NIPAL4: variants seen among roughly 807,000 people sequenced by gnomAD.
The protein encoded by NIPAL4 is magnesium transporter NIPA4.
NIPAL4 carries 21 observed loss-of-function variants against 31.6 expected under a neutral mutation model. The observed-to-expected ratio is 0.67, with a 90% CI of 0.47 to 0.96. NIPAL4 has a LOEUF of 0.96. Ranked by LOEUF, NIPAL4 falls within the 40% of genes least tolerant of loss-of-function variation. The pLI is 0.00. For synonymous variants in NIPAL4, 175 were observed against 211.1 expected, an observed-to-expected ratio of 0.83 and a Z score of 1.48; for missense variants, 438 against 508.0, an observed-to-expected ratio of 0.86 and a Z score of 1.32.
chr5:157,473,097 A>G lies in NIPAL4; in HGVS notation c.*137A>G. ...TTGAGAAGTTCATTTATACCTCATCACTGTTTCCAGGAGAAAAATCTTTAC... is the reference window on the plus strand; with the variant it reads ...TTGAGAAGTTCATTTATACCTCATCGCTGTTTCCAGGAGAAAAATCTTTAC... On this transcript the variant is annotated 3_prime_UTR_variant, in exon 6 of 6. Transcript: ENST00000311946. 1.5e-6 allele frequency: 1 copy of G among 658,522 alleles called. No individual in the cohort carries two copies. 40.8% of individuals were successfully genotyped at this position (658,522 alleles called of 1,614,324 possible). A position where few individuals can be genotyped will look rare whatever the true frequency, so the allele number is the denominator to read the frequency against.
chr5:157,460,356 C>A lies in NIPAL4; in HGVS notation c.36C>A (p.Asn12Lys), dbSNP rs973711196. 4 of 1,544,758 alleles carry A rather than the reference C, an allele frequency of 2.6e-6. No homozygotes were observed. The highest frequency in any genetic ancestry group is 2.7e-5 in the African/African-American group (2 of 72,950). ...ELRVSNTSCE[N>K]GSLLHLYCSS... ...GGGTCAGCAACACCAGCTGCGAGAA[C>A]GGTGCGTACGGCAGGGCTGGGGACC... The change falls in exon 1 of 6, where the codon AAC becomes AAA. Residue 12 changes from asparagine to lysine, a missense_variant and splice_region_variant. Physicochemically the swap from Asn to Lys is moderately conservative, Grantham distance 94. Coordinates refer to ENST00000311946, the MANE Select transcript of NIPAL4 (RefSeq NM_001099287.2).
intron 4 of NIPAL4, among the ~76,000 whole-genome samples, chr5:157,471,430 T>C (rs904645555): frequency 6.6e-6 from 1 of 152,184 alleles, no homozygotes; most frequent in Non-Finnish European, 1.5e-5. Flanking sequence ...ATGTCTCCCG[T>C]GGATATTATT....
intron 4 of NIPAL4, among the ~76,000 whole-genome samples, chr5:157,469,282 G>C (rs1287086886): frequency 6.6e-6 from 1 of 152,160 alleles, no homozygotes; most frequent in Non-Finnish European, 1.5e-5. Context: ...CCACTGGGGG[G>C]CATTGTTCTG....
chr5:157,467,149 C>T, intron 3 of NIPAL4, 44 bp downstream of exon 3: 1 of 1,342,754 alleles, frequency 7.4e-7, no homozygotes, highest in Non-Finnish European at 1.1e-6. Context: ...CTATTGATAG[C>T]AGGGCTGGAG....
chr5:157,470,761 G>C (rs936094654), intron 4 of NIPAL4, among the ~76,000 whole-genome samples: 6 of 152,200 alleles, frequency 3.9e-5, no homozygotes, highest in Non-Finnish European at 7.3e-5. Context: ...TAAATGATTA[G>C]AGCAAACCTA....
intron 2 of NIPAL4, among the ~76,000 whole-genome samples, chr5:157,464,429 C>G (rs1333520405): frequency 1.3e-5 from 2 of 152,150 alleles, no homozygotes; most frequent in East Asian, 3.9e-4. Context: ...TGAAAAGATC[C>G]CTGGTTGCTG....
chr5:157,466,904 A>G (rs1561829428), intron 2 of NIPAL4, 145 bp from the exon 3 acceptor site: 3 of 636,892 alleles, frequency 4.7e-6, no homozygotes, highest in Middle Eastern at 4.2e-4. Flanking sequence ...AACTTTAGGA[A>G]CAAATGAACC....
In NIPAL4 at chr5:157,460,447, A is replaced by G. The variant is rs530130184; in HGVS notation, c.37+90A>G. ...GCTCTCCCTCGCATCCTCTCCTCCC[A>G]GGGGGGCCAAAGCTGGGGAGGGGCA... On this transcript the variant is annotated intron_variant, in intron 1 of 5. Coordinates refer to ENST00000311946, the MANE Select transcript of NIPAL4 (RefSeq NM_001099287.2). The G allele has an allele frequency of 6.1e-6, 8 of 1,317,560 alleles. No individual in the cohort carries two copies. The South Asian group carries it at 8.8e-5, about 14-fold the overall frequency. 81.6% of individuals were successfully genotyped at this position (1,317,560 alleles called of 1,614,324 possible).
At chr5:157,471,880 C>A in intron 5 of NIPAL4, 63 bp downstream of exon 5, 1 of 1,343,656 alleles carries the variant, frequency 7.4e-7, no homozygotes, top group Non-Finnish European at 1.0e-6. Flanking sequence ...TACTACCCCA[C>A]AAAAGGTCAG....
In NIPAL4 at chr5:157,473,911, T is replaced by A. The variant is rs1754512260; in HGVS notation, c.*951T>A. The A allele has an allele frequency of 6.6e-6, 1 of 151,760 alleles. No homozygotes were observed. The highest frequency in any genetic ancestry group is 6.6e-5 in the Admixed American group (1 of 15,232). The allele number at this position is 151,760 out of a possible 1,614,324, so 9.4% of individuals were successfully genotyped here. ...TCAACCAACCTATGATCTGGGGAGGTGGGAAGAGGATGAGGAGCAAAGTTG... is the reference window on the plus strand; with the variant it reads ...TCAACCAACCTATGATCTGGGGAGGAGGGAAGAGGATGAGGAGCAAAGTTG... On this transcript the variant is annotated 3_prime_UTR_variant, in exon 6 of 6. Coordinates refer to ENST00000311946, the MANE Select transcript of NIPAL4 (RefSeq NM_001099287.2).
intron 3 of NIPAL4, chr5:157,467,453 C>T (rs1754308657): frequency 3.4e-6 from 1 of 297,012 alleles, no homozygotes; most frequent in Non-Finnish European, 6.7e-6. Context: ...CAACTTCCCC[C>T]AGTCCGCAGG....
At chr5:157,471,984 C>T (rs1008073544) in intron 5 of NIPAL4, among the ~76,000 whole-genome samples, 167 bp downstream of exon 5, 9 of 152,144 alleles carry the variant, frequency 5.9e-5, no homozygotes, top group African/African-American at 2.2e-4. Context: ...GCAAGGCTAG[C>T]TTAAAGGCTT....
chr5:157,462,133 C>A (rs1413705452), intron 1 of NIPAL4, among the ~76,000 whole-genome samples: 1 of 152,170 alleles, frequency 6.6e-6, no homozygotes, highest in Non-Finnish European at 1.5e-5. Flanking sequence ...AACTCAGATG[C>A]CTACAAAGGC....
At chr5:157,471,559 C>G in intron 4 of NIPAL4, 98 bp from the exon 5 acceptor site, 1 of 922,882 alleles carries the variant, frequency 1.1e-6, no homozygotes, top group South Asian at 1.8e-5. Context: ...GAGTTCTGAT[C>G]TGTTGTTCTC....
intron 3 of NIPAL4, 49 bp downstream of exon 3, chr5:157,467,154 C>A: frequency 3.1e-6 from 3 of 978,080 alleles, no homozygotes; most frequent in Non-Finnish European, 4.8e-6. Context: ...GATAGCAGGG[C>A]TGGAGACAAA....
chr5:157,462,208 G>A (rs1388451900), intron 1 of NIPAL4, among the ~76,000 whole-genome samples: 1 of 152,200 alleles, frequency 6.6e-6, no homozygotes, highest in African/African-American at 2.4e-5. Flanking sequence ...CAGAGAGTAT[G>A]TCCTATTTTA....
intron 1 of NIPAL4, 47 bp downstream of exon 1, chr5:157,460,404 C>T: frequency 6.7e-7 from 1 of 1,496,530 alleles, no homozygotes; most frequent in Non-Finnish European, 9.0e-7. Context: ...CGCTTCGCGC[C>T]CTCCCCTCCT....
intron 2 of NIPAL4, among the ~76,000 whole-genome samples, chr5:157,464,059 A>G (rs149236891): frequency 5.4e-4 from 82 of 152,142 alleles, no homozygotes; most frequent in Non-Finnish European, 4.4e-5. Flanking sequence ...ACAGCCTGCT[A>G]TGGGGGAATA....
At position 157,474,672 on chromosome 5, in the gene NIPAL4, G is replaced by A. The variant is rs1581274912; in HGVS notation, c.*1712G>A. 1 of 152,226 alleles carries A rather than the reference G, an allele frequency of 6.6e-6. No homozygotes were observed. Among genetic ancestry groups the A allele is most frequent in the African/African-American group, 2.4e-5 (1 of 41,456 alleles). The allele number at this position is 152,226 out of a possible 1,614,324, so 9.4% of individuals were successfully genotyped here. The stretch of plus-strand genomic sequence containing the variant: ...AATGGCAGTAAACTGAGGGCCCTAA[G>A]AGTGTGGTCTGCAGGGTCAAGAATA... On this transcript the variant is annotated 3_prime_UTR_variant, in exon 6 of 6. Transcript: ENST00000311946.
Sources: gnomAD v4.1 joint callset for allele counts (sites outside exome capture counted in the v4.1 genomes callset) on GRCh38, gnomAD v4.1.1 for gene constraint, MANE v1.5 for transcripts, NCBI Gene and HGNC (gene_info 2026-07-23, HGNC 2026-07-21) for gene names.